SRGAP1: variants seen among roughly 807,000 people sequenced by gnomAD.
SRGAP1 encodes SLIT-ROBO Rho GTPase activating protein 1.
A neutral mutation model predicts 121.9 loss-of-function variants in SRGAP1; 43 were observed. The ratio of observed to expected loss-of-function variants is 0.35; its 90% CI spans 0.28 to 0.46. The LOEUF is 0.46. Ranked by LOEUF, SRGAP1 falls within the 20% of genes least tolerant of loss-of-function variation. The pLI, the probability that SRGAP1 is intolerant of heterozygous loss-of-function variation, is 1.00. For missense variants in SRGAP1, 1,102 were observed against 1,350.9 expected, an observed-to-expected ratio of 0.82 and a Z score of 2.89; for synonymous variants, 447 against 485.4, an observed-to-expected ratio of 0.92 and a Z score of 1.04.
At chr12:63,906,605 G>T (rs61933092) in intron 1 of SRGAP1, among the ~76,000 whole-genome samples, 7,381 of 152,120 alleles carry the variant, frequency 0.049, 274 homozygotes, top group Middle Eastern at 0.14. Flanking sequence ...GAGCCACCAC[G>T]CCTGGCTGAT....
chr12:63,847,896 T>C (rs1898953715), intron 1 of SRGAP1, among the ~76,000 whole-genome samples: 1 of 152,024 alleles, frequency 6.6e-6, no homozygotes, highest in Non-Finnish European at 1.5e-5. Context: ...CCTGTTACTC[T>C]CTCCCATTTT....
intron 1 of SRGAP1, among the ~76,000 whole-genome samples, chr12:63,900,978 A>T (rs1050557276): frequency 1.3e-5 from 2 of 151,762 alleles, no homozygotes; most frequent in Non-Finnish European, 2.9e-5. Context: ...CCTCTCAACC[A>T]CACTTGTGCA....
chr12:64,025,855 C>T (rs2034642402), intron 4 of SRGAP1, among the ~76,000 whole-genome samples: 1 of 152,114 alleles, frequency 6.6e-6, no homozygotes, highest in African/African-American at 2.4e-5. Context: ...GCTAATTTAA[C>T]CTGGCTTTGT....
At chr12:64,025,151 A>AACGTT (rs558268146) in intron 4 of SRGAP1, among the ~76,000 whole-genome samples, 1 of 118,666 alleles carries the variant, frequency 8.4e-6, no homozygotes, top group Non-Finnish European at 1.9e-5. Context: ...AAACGTTTAA[A>AACGTT]TAAAAAAAAA....
chr12:64,072,106 CTCTGTGTGTGTGTGTG>C (rs2035648324), intron 8 of SRGAP1, among the ~76,000 whole-genome samples: 2 of 37,768 alleles, frequency 5.3e-5, no homozygotes, highest in African/African-American at 1.4e-4. Context: ...CCCAATCTCT[CTCTGTGTGTGTGTGTG>C]TGTGTGTGTG....
intron 1 of SRGAP1, among the ~76,000 whole-genome samples, chr12:63,866,583 T>A (rs1349139175): frequency 6.6e-6 from 1 of 152,178 alleles, no homozygotes; most frequent in Non-Finnish European, 1.5e-5. Flanking sequence ...ATTTCAACAA[T>A]GCAAAAACCA....
At position 64,108,976 on chromosome 12, in the gene SRGAP1, C is replaced by T. The variant is rs2036389254; in HGVS notation, c.1858C>T (p.Leu620Phe). ...GAGGGCGCTTCACATCCGCAAACTCCTCCTGACTTTGCCCAGGTCGGTCCT... is the reference window on the plus strand; with the variant it reads ...GAGGGCGCTTCACATCCGCAAACTCTTCCTGACTTTGCCCAGGTCGGTCCT... The part of the protein sequence containing the change: ...YERALHIRKL[L>F]LTLPRSVLIV... The change falls in exon 16 of 22, where the codon CTC becomes TTC. Residue 620 changes from leucine to phenylalanine, a missense_variant. By Grantham distance (22) the Leu-to-Phe change is conservative. This residue lies in a region of SRGAP1 where 747 missense variants were observed against 929.4 expected (regional missense o/e 0.80). Coordinates refer to ENST00000355086, the MANE Select transcript of SRGAP1 (RefSeq NM_020762.4). 8.7e-6 allele frequency: 14 copies of T among 1,604,882 alleles called. No homozygotes were observed. The East Asian group carries it at 3.1e-4, about 36-fold the overall frequency.
chr12:64,000,239 G>GGGGTGTGT (rs375204504), intron 3 of SRGAP1, among the ~76,000 whole-genome samples: 59 of 131,552 alleles, frequency 4.5e-4, no homozygotes, highest in African/African-American at 1.3e-3. Context: ...GAAAGGTAGG[G>GGGGTGTGT]GTGTGTGTGT....
intron 4 of SRGAP1, among the ~76,000 whole-genome samples, chr12:64,028,245 T>G (rs1302319593): frequency 1.3e-5 from 2 of 152,266 alleles, no homozygotes; most frequent in Non-Finnish European, 2.9e-5. Flanking sequence ...TTCAGTAGAT[T>G]AAACTTGTAT....
At chr12:63,917,984 T>G (rs561349256) in intron 1 of SRGAP1, among the ~76,000 whole-genome samples, 1 of 152,330 alleles carries the variant, frequency 6.6e-6, no homozygotes, top group East Asian at 1.9e-4. Context: ...CCATACTCAC[T>G]GGAAGTTTGG....
chr12:64,112,098 A>T (rs752114924), intron 17 of SRGAP1, 112 bp downstream of exon 17: 2 of 791,358 alleles, frequency 2.5e-6, no homozygotes, highest in Non-Finnish European at 4.0e-6. Context: ...CCAACTTAAA[A>T]GGAAGAAGCA....
At chr12:63,870,246 G>C (rs938990812) in intron 1 of SRGAP1, among the ~76,000 whole-genome samples, 1 of 152,152 alleles carries the variant, frequency 6.6e-6, no homozygotes, top group East Asian at 1.9e-4. Context: ...TGGATTATTT[G>C]ATGAGGAGAC....
intron 1 of SRGAP1, among the ~76,000 whole-genome samples, chr12:63,933,485 C>G (rs2031553975): frequency 6.6e-6 from 1 of 152,078 alleles, no homozygotes; most frequent in Non-Finnish European, 1.5e-5. Flanking sequence ...AGATCCCTAG[C>G]TGAGATTTAG....
chr12:63,982,393 A>T (rs781419077), intron 1 of SRGAP1: 11 of 152,206 alleles, frequency 7.2e-5, no homozygotes, highest in Non-Finnish European at 1.2e-4. Flanking sequence ...AAAATGGAAG[A>T]TAATACTAAA....
At chr12:63,900,746 A>G (rs1207945093) in intron 1 of SRGAP1, among the ~76,000 whole-genome samples, 1 of 152,064 alleles carries the variant, frequency 6.6e-6, no homozygotes, top group Admixed American at 6.6e-5. Context: ...CTGCAGGCAG[A>G]GGCTTGCAGT....
intron 1 of SRGAP1, among the ~76,000 whole-genome samples, chr12:63,894,036 C>T (rs1190162612): frequency 1.3e-5 from 2 of 152,166 alleles, no homozygotes; most frequent in South Asian, 2.1e-4. Context: ...GACGGGGTTT[C>T]GCCATGTTGG....
intron 1 of SRGAP1, among the ~76,000 whole-genome samples, chr12:63,922,189 G>A (rs1183707917): frequency 1.3e-5 from 2 of 152,042 alleles, no homozygotes; most frequent in Non-Finnish European, 2.9e-5. Flanking sequence ...ATATTGGCCA[G>A]GCTGGTCTTG....
chr12:63,988,740 C>T (rs1464036271), intron 2 of SRGAP1, among the ~76,000 whole-genome samples: 2 of 152,168 alleles, frequency 1.3e-5, no homozygotes, highest in African/African-American at 4.8e-5. Context: ...TTTGTTCCTG[C>T]ATTAGCATAA....
At chr12:64,108,907 TG>T in intron 15 of SRGAP1, 24 bp from the exon 16 acceptor site, 1 of 1,562,712 alleles carries the variant, frequency 6.4e-7, no homozygotes, top group Non-Finnish European at 8.7e-7. Context: ...GAAAGGACTC[TG>T]ACCATGTCAT....
Sources: gnomAD v4.1 joint callset for allele counts (sites outside exome capture counted in the v4.1 genomes callset) on GRCh38, gnomAD v4.1.1 for gene constraint, gnomAD v4.1.1 regional missense constraint, MANE v1.5 for transcripts, NCBI Gene and HGNC (gene_info 2026-07-23, HGNC 2026-07-21) for gene names.